Variants in PLXNA4 observed in about 807,000 individuals in gnomAD.
PLXNA4 encodes plexin A4, also known as plexin-A4.
In PLXNA4, 44 loss-of-function variants were observed where a neutral mutation model predicts 191.8. The observed-to-expected ratio is 0.23, with a 90% CI of 0.18 to 0.29. PLXNA4 has a LOEUF of 0.29. PLXNA4 is among the 10% of genes least tolerant of loss of function. The pLI is 1.00. For synonymous variants in PLXNA4, 1,082 were observed against 1,009.5 expected (o/e 1.07, Z -1.36); for missense variants, 1,800 against 2,488.8 (o/e 0.72, Z 5.89).
chr7:132,565,074 C>T (rs1453176924), intron 1 of PLXNA4, among the ~76,000 whole-genome samples: 2 of 152,212 alleles, frequency 1.3e-5, no homozygotes, highest in Admixed American at 1.3e-4. Flanking sequence ...TGATGTGAGG[C>T]CTAAGCTCAG....
intron 3 of PLXNA4, among the ~76,000 whole-genome samples, chr7:132,426,278 C>T (rs913400939): frequency 5.3e-5 from 8 of 152,202 alleles, no homozygotes; most frequent in African/African-American, 1.4e-4. Flanking sequence ...CCCAGTAGAG[C>T]GGCTAAGGTG....
At chr7:132,285,385 T>C (rs1033208477) in intron 4 of PLXNA4, among the ~76,000 whole-genome samples, 1 of 152,258 alleles carries the variant, frequency 6.6e-6, no homozygotes, top group Non-Finnish European at 1.5e-5. Context: ...ATATATTCTC[T>C]ACCTGTTCCT....
intron 4 of PLXNA4, among the ~76,000 whole-genome samples, chr7:132,297,337 G>A (rs1299479264): frequency 6.6e-6 from 1 of 152,100 alleles, no homozygotes; most frequent in Admixed American, 6.6e-5. Context: ...TGTGTTGTGG[G>A]GTGGAGGACT....
intron 1 of PLXNA4, among the ~76,000 whole-genome samples, chr7:132,562,462 CTCCTCCTT>C (rs1801238565): frequency 7.7e-6 from 1 of 129,540 alleles, no homozygotes; most frequent in Non-Finnish European, 1.6e-5. Context: ...CCTTCTCCTC[CTCCTCCTT>C]TCTCCTCCTC....
chr7:132,223,775 T>A, intron 8 of PLXNA4, 134 bp from the exon 9 acceptor site: 1 of 672,050 alleles, frequency 1.5e-6, no homozygotes, highest in African/African-American at 1.8e-5. Context: ...GAAGGGCAGA[T>A]CTTATGCACA....
intron 3 of PLXNA4, among the ~76,000 whole-genome samples, chr7:132,478,015 C>T (rs1416049836): frequency 1.3e-5 from 2 of 152,208 alleles, no homozygotes; most frequent in African/African-American, 4.8e-5. Flanking sequence ...AAGAAGCCCA[C>T]AGCCTGGTTG....
At chr7:132,579,166 C>T (rs1336498079), upstream of PLXNA4, among the ~76,000 whole-genome samples, 1 of 152,184 alleles carries the variant, frequency 6.6e-6, no homozygotes, top group Non-Finnish European at 1.5e-5. Context: ...ATGGGTCCAT[C>T]ACGGCCCATT....
At chr7:132,306,065 C>T (rs925793359) in intron 3 of PLXNA4, among the ~76,000 whole-genome samples, 21 of 152,160 alleles carry the variant, frequency 1.4e-4, no homozygotes, top group Admixed American at 7.9e-4. Flanking sequence ...CCTCAAACCT[C>T]AAACACAGAG....
chr7:132,464,643 A>T (rs1330377999), intron 3 of PLXNA4, among the ~76,000 whole-genome samples: 2 of 152,254 alleles, frequency 1.3e-5, no homozygotes, highest in African/African-American at 4.8e-5. Flanking sequence ...CGAGATTCAC[A>T]TGTGAGGGTA....
chr7:132,623,252 A>G (rs1803306017), intron 2 of PLXNA4, among the ~76,000 whole-genome samples: 1 of 152,106 alleles, frequency 6.6e-6, no homozygotes, highest in Non-Finnish European at 1.5e-5. Context: ...AGACTGAGGC[A>G]GGAGAGTCAC....
intron 4 of PLXNA4, among the ~76,000 whole-genome samples, chr7:132,294,359 C>T (rs972798767): frequency 3.9e-5 from 6 of 151,958 alleles, no homozygotes; most frequent in Non-Finnish European, 8.8e-5. Context: ...ACTAGGGGAG[C>T]AGGGAGAGCG....
Position 132,352,548 on chromosome 7 carries a change from C to T in PLXNA4, c.1372-54326G>A, listed in dbSNP as rs147301475. Among the ~76,000 whole-genome samples the T allele has an allele frequency of 9.3e-4, 141 of 152,276 alleles. 4 individuals carry two copies. In the East Asian group the frequency reaches 0.021, roughly 23 times the overall value. On this transcript the variant is annotated intron_variant, in intron 3 of 31. Transcript: ENST00000321063. ...CTTGACCTTTGAATCTCCTCCCATC[C>T]CCTGCCTGGTCAATCCTTGAAAGAC...
At chr7:132,635,286 T>C (rs904815093) in intron 2 of PLXNA4, among the ~76,000 whole-genome samples, 5 of 151,548 alleles carry the variant, frequency 3.3e-5, no homozygotes, top group Non-Finnish European at 5.9e-5. Flanking sequence ...TGCTTCCTCC[T>C]TGGGGTCAAA....
chr7:132,409,394 T>G (rs1794359221), intron 3 of PLXNA4, among the ~76,000 whole-genome samples: 1 of 152,176 alleles, frequency 6.6e-6, no homozygotes, highest in South Asian at 2.1e-4. Flanking sequence ...CATGGGATTC[T>G]TTTTGTCCGT....
At chr7:132,174,316 C>T (rs1301190819) in intron 21 of PLXNA4, among the ~76,000 whole-genome samples, 1 of 152,130 alleles carries the variant, frequency 6.6e-6, no homozygotes, top group Non-Finnish European at 1.5e-5. Context: ...TTCTCATTCA[C>T]ATTTCCACCC....
At chr7:132,439,976 G>T (rs1795628146) in intron 3 of PLXNA4, among the ~76,000 whole-genome samples, 1 of 129,824 alleles carries the variant, frequency 7.7e-6, no homozygotes, top group Non-Finnish European at 1.6e-5. Context: ...GTGCACACAT[G>T]TGTGCATGTG....
intron 3 of PLXNA4, among the ~76,000 whole-genome samples, chr7:132,390,963 G>A (rs1215020796): frequency 6.6e-6 from 1 of 152,196 alleles, no homozygotes; most frequent in Non-Finnish European, 1.5e-5. Context: ...TGGATGGGAA[G>A]GAACGCAGAG....
intron 3 of PLXNA4, among the ~76,000 whole-genome samples, chr7:132,457,859 GC>G (rs1796365881): frequency 6.6e-6 from 1 of 152,220 alleles, no homozygotes; most frequent in Non-Finnish European, 1.5e-5. Context: ...AAGGAATGCA[GC>G]CCCAGAGGCT....
chr7:132,489,367 C>T lies in PLXNA4; in HGVS notation c.1296G>A (p.Met432Ile), dbSNP rs759874815. The change falls in exon 3 of 32, where the codon ATG becomes ATA. Residue 432 changes from methionine (M) to isoleucine (I), a missense_variant. Physicochemically the swap from Met to Ile is conservative, Grantham distance 10. This residue lies in a region of PLXNA4 where 1,397 missense variants were observed against 1,880.4 expected (regional missense o/e 0.74). Coordinates refer to ENST00000321063, the MANE Select transcript of PLXNA4 (RefSeq NM_020911.2). ...TGTAGACATATGCGATGACAGACGT[C>T]ATGCGGTCCCTGTCCTCCGTGAAGA... is the stretch of plus-strand genomic sequence containing the variant. ...IPVFTEDRDR[M>I]TSVIAYVYKN... 1 of 1,607,022 alleles carries T rather than the reference C, an allele frequency of 6.2e-7. No homozygotes were observed. Among genetic ancestry groups the T allele is most frequent in the Non-Finnish European group, 8.5e-7 (1 of 1,173,986 alleles).
Sources: gnomAD v4.1 joint callset for allele counts (sites outside exome capture counted in the v4.1 genomes callset) on GRCh38, gnomAD v4.1.1 for gene constraint, gnomAD v4.1.1 regional missense constraint, MANE v1.5 for transcripts, NCBI Gene and HGNC (gene_info 2026-07-23, HGNC 2026-07-21) for gene names.